MAP4K5: variants seen among roughly 807,000 people sequenced by gnomAD.
MAP4K5 encodes mitogen-activated protein kinase kinase kinase kinase 5, also known as MAPK/ERK kinase kinase kinase 5.
A neutral mutation model predicts 135.6 loss-of-function variants in MAP4K5; 82 were observed. That is an observed-to-expected ratio of 0.60 (90% confidence interval 0.51 to 0.73). The LOEUF is 0.73. MAP4K5 is among the 30% of genes least tolerant of loss of function. The pLI is 0.00. For synonymous variants in MAP4K5, 347 were observed against 335.0 expected (o/e 1.04, Z -0.39); for missense variants, 907 against 1,010.9 (o/e 0.90, Z 1.39).
At chr14:50,431,388 G>A (rs967914967) in intron 28 of MAP4K5, among the ~76,000 whole-genome samples, 19 of 152,140 alleles carry the variant, frequency 1.2e-4, no homozygotes, top group African/African-American at 4.3e-4. Context: ...ATCTCCCAAT[G>A]CTATCCCTCT....
chr14:50,494,823 C>T (rs1052084353), intron 3 of MAP4K5, among the ~76,000 whole-genome samples: 3 of 152,168 alleles, frequency 2.0e-5, no homozygotes, highest in African/African-American at 7.2e-5. Context: ...ATCAGAACTA[C>T]TTGATGGGGA....
At chr14:50,483,837 C>CATTT (rs72048369) in intron 5 of MAP4K5, among the ~76,000 whole-genome samples, 5,261 of 144,258 alleles carry the variant, frequency 0.036, 91 homozygotes, top group East Asian at 0.042. Context: ...ACAGCAATTC[C>CATTT]ATTTATTTAT....
chr14:50,433,738 T>C (rs2036026643), intron 28 of MAP4K5, among the ~76,000 whole-genome samples: 1 of 152,170 alleles, frequency 6.6e-6, no homozygotes, highest in South Asian at 2.1e-4. Context: ...GCTTGGCATA[T>C]GTAAAAATGG....
In MAP4K5 at chr14:50,485,649, C is replaced by CA. The variant is rs747404908; in HGVS notation, c.258-8dup. On this transcript the variant is annotated splice_region_variant and splice_polypyrimidine_tract_variant and intron_variant, in intron 4 of 32. Coordinates refer to ENST00000682126, the MANE Select transcript of MAP4K5 (RefSeq NM_006575.6). ...AATCCATAGTTTTTCCCGACTAATA[C>CA]AAAAAAAAAAGAAAATTATATTAGC... 8.8e-3 allele frequency: 11,156 copies of CA among 1,262,200 alleles called. No individual in the cohort carries two copies. The highest frequency in any genetic ancestry group is 9.7e-3 in the South Asian group (598 of 61,954). The allele number at this position is 1,262,200 out of a possible 1,614,324, so 78.2% of individuals were successfully genotyped here.
intron 14 of MAP4K5, among the ~76,000 whole-genome samples, chr14:50,451,489 C>T (rs2036484154): frequency 6.6e-6 from 1 of 151,838 alleles, no homozygotes; most frequent in Non-Finnish European, 1.5e-5. Context: ...AGATAGAATA[C>T]AAAGAAAAAA....
chr14:50,429,665 A>T (rs2035927525), intron 28 of MAP4K5, among the ~76,000 whole-genome samples: 1 of 152,216 alleles, frequency 6.6e-6, no homozygotes, highest in Admixed American at 6.5e-5. Flanking sequence ...CAGCAAACCT[A>T]AATTAAAAAT....
At chr14:50,529,895 G>A (rs1030116574) in intron 2 of MAP4K5, among the ~76,000 whole-genome samples, 1 of 152,156 alleles carries the variant, frequency 6.6e-6, no homozygotes, top group African/African-American at 2.4e-5. Context: ...TGGTAGATGA[G>A]GCTGAGAAAT....
chr14:50,541,156 A>T (rs990651932), intron 2 of MAP4K5, among the ~76,000 whole-genome samples: 1 of 152,234 alleles, frequency 6.6e-6, no homozygotes, highest in African/African-American at 2.4e-5. Flanking sequence ...GTTTGCTTTC[A>T]CATGATTGCA....
intron 2 of MAP4K5, among the ~76,000 whole-genome samples, chr14:50,517,453 A>G (rs1595538575): frequency 6.6e-6 from 1 of 151,602 alleles, no homozygotes; most frequent in East Asian, 2.0e-4. Flanking sequence ...CGCCCAGCCT[A>G]CAATATTTTT....
chr14:50,448,708 A>C, intron 15 of MAP4K5, 66 bp downstream of exon 15: 1 of 888,928 alleles, frequency 1.1e-6, no homozygotes, highest in South Asian at 1.6e-5. Context: ...ATCAAAGTAC[A>C]ACTAACAAAA....
intron 2 of MAP4K5, among the ~76,000 whole-genome samples, chr14:50,518,974 C>T (rs1375806421): frequency 6.6e-6 from 1 of 151,886 alleles, no homozygotes; most frequent in East Asian, 1.9e-4. Context: ...GGAAATTTAG[C>T]TCTAGAAATT....
chr14:50,455,720 G>A (rs867322720), intron 14 of MAP4K5, among the ~76,000 whole-genome samples: 1 of 152,034 alleles, frequency 6.6e-6, no homozygotes, highest in Non-Finnish European at 1.5e-5. Context: ...AATATTTAAT[G>A]AATTATTTTC....
At chr14:50,500,809 G>C (rs1566680935) in intron 3 of MAP4K5, among the ~76,000 whole-genome samples, 1 of 152,146 alleles carries the variant, frequency 6.6e-6, no homozygotes, top group Non-Finnish European at 1.5e-5. Flanking sequence ...AAATAAAAGA[G>C]AGAAATCGAG....
chr14:50,493,615 T>C (rs139391613), intron 3 of MAP4K5, among the ~76,000 whole-genome samples: 12 of 152,170 alleles, frequency 7.9e-5, no homozygotes, highest in African/African-American at 2.6e-4. Context: ...AATTGTAAGA[T>C]ACAAAATCAA....
chr14:50,446,099 G>C lies in MAP4K5; in HGVS notation c.1165C>G (p.Pro389Ala). 1 of 1,572,638 alleles carries C rather than the reference G, an allele frequency of 6.4e-7. No individual in the cohort carries two copies. The highest frequency in any genetic ancestry group is 8.6e-7 in the Non-Finnish European group (1 of 1,162,154). The part of the protein sequence containing the change: ...TGKSTSKRAI[P>A]PPLPPKPRIS... ...CTCACCTTAGGAGGTAGGGGAGGTG[G>C]TATTGCACGTTTTGAGGTTGATCTA... is the stretch of plus-strand genomic sequence containing the variant. Residue 389 changes from proline (P) to alanine (A), a missense_variant, in exon 17 of 33, where the codon CCA becomes GCA. This residue lies in a region of MAP4K5 where 690 missense variants were observed against 777.4 expected (regional missense o/e 0.89). Coordinates refer to ENST00000682126, the MANE Select transcript of MAP4K5 (RefSeq NM_006575.6).
chr14:50,485,929 A>G (rs1158073797), intron 4 of MAP4K5, 175 bp downstream of exon 4: 1 of 540,462 alleles, frequency 1.9e-6, no homozygotes, highest in African/African-American at 2.0e-5. Context: ...AAATGGGAGT[A>G]CCATTATTAA....
At chr14:50,504,572 T>C (rs914378679) in intron 3 of MAP4K5, among the ~76,000 whole-genome samples, 4 of 152,098 alleles carry the variant, frequency 2.6e-5, no homozygotes, top group Non-Finnish European at 5.9e-5. Flanking sequence ...AAAATTACTT[T>C]AACAGTGTCA....
rs572478707 is a variant in MAP4K5 at position 50,550,206 on chromosome 14, A to G, written c.-179-7622T>C. On this transcript the variant is annotated intron_variant, in intron 1 of 8. Transcript: ENST00000555216. ...CATAGGCAAGGCTGGAAGCTTACCAATTGGCTACTATACCCACTCCTAGAG... is the reference window on the plus strand; with the variant it reads ...CATAGGCAAGGCTGGAAGCTTACCAGTTGGCTACTATACCCACTCCTAGAG... 4.6e-5 allele frequency among the ~76,000 whole-genome samples: 7 copies of G among 152,350 alleles called. No individual in the cohort carries two copies. The South Asian group carries it at 1.2e-3, about 27-fold the overall frequency.
At chr14:50,440,194 T>C (rs1344286340) in intron 22 of MAP4K5, 121 bp from the exon 23 acceptor site, 1 of 825,580 alleles carries the variant, frequency 1.2e-6, no homozygotes, top group Non-Finnish European at 1.8e-6. Context: ...ATCAAACCCT[T>C]AAGAAAAAAA....
Sources: allele counts gnomAD v4.1 joint callset (sites outside exome capture counted in the v4.1 genomes callset), GRCh38; gene constraint gnomAD v4.1.1; regional missense constraint gnomAD v4.1.1; transcripts MANE v1.5; gene names NCBI Gene and HGNC (gene_info 2026-07-23, HGNC 2026-07-21).